The following JPT2 variants were observed in gnomAD, a reference collection of about 807,000 sequenced individuals.
JPT2 encodes CRAMP_1 like.
Under a neutral mutation model 15.9 loss-of-function variants are expected in JPT2, and 9 were observed. The observed-to-expected ratio is 0.57, with a 90% CI of 0.34 to 0.99. The LOEUF (loss-of-function observed/expected upper bound fraction) is 0.99, where lower values mean the gene tolerates loss of function less well. Among genes scored for constraint, JPT2 ranks in the 50% least tolerant of loss-of-function variants. JPT2 has a pLI of 0.02. For missense variants in JPT2, 267 were observed against 252.1 expected, an observed-to-expected ratio of 1.06 and a Z score of -0.40; for synonymous variants, 95 against 91.7, an observed-to-expected ratio of 1.04 and a Z score of -0.21.
chr16:1,683,678 C>G, intron 1 of JPT2: 1 of 932,178 alleles, frequency 1.1e-6, no homozygotes, highest in Non-Finnish European at 1.7e-6. Flanking sequence ...CTCTGCCTTC[C>G]TGCTTTATAG....
rs1274813244 is a variant in JPT2, at chr16:1,699,767, T to A, written c.*769T>A. The A allele has an allele frequency of 1.7e-5, 4 of 235,296 alleles. No individual in the cohort carries two copies. Among genetic ancestry groups the A allele is most frequent in the Middle Eastern group, 1.7e-3 (1 of 576 alleles). The allele number at this position is 235,296 out of a possible 1,614,324, so 14.6% of individuals were successfully genotyped here. ...CTTTTTTCCTCTCATCAGCCTTAAG[T>A]TTAGGCGTTTGTTGTTCTCCAGTGA... On this transcript the variant is annotated 3_prime_UTR_variant, in exon 5 of 5. Transcript: ENST00000248098.
In JPT2 at chr16:1,697,817, T is replaced by C. The variant is rs762679725; in HGVS notation, c.342T>C (p.His114=). The stretch of plus-strand genomic sequence containing the variant: ...GGTGGTTTGCCTTGTTGCAGGATCA[T>C]GTTTTCTTATGTGAAGGAGAAGAAC... ...RLAHPNKPKD[H]VFLCEGEEPK... is the part of the protein sequence containing the mutation. The change falls in exon 4 of 5, where the codon CAT becomes CAC. Residue 114 remains histidine, a synonymous_variant. Transcript: ENST00000248098. 3 of 1,614,048 alleles carry C rather than the reference T, an allele frequency of 1.9e-6. No homozygotes were observed. The highest frequency in any genetic ancestry group is 2.5e-6 in the Non-Finnish European group (3 of 1,179,974).
chr16:1,701,552 C>T lies in JPT2; in HGVS notation c.*2554C>T, dbSNP rs943692912. 3.3e-5 allele frequency: 5 copies of T among 151,566 alleles called. No individual in the cohort carries two copies. Among genetic ancestry groups the T allele is most frequent in the Non-Finnish European group, 2.9e-5 (2 of 67,950 alleles). 9.4% of individuals were successfully genotyped at this position (151,566 alleles called of 1,614,324 possible). ...CAGAGGATGCCAAAATTAGTCTTCT[C>T]AAAGCTTTGAGTAGAGTAAGTGTGG... On this transcript the variant is annotated 3_prime_UTR_variant, in exon 5 of 5. Coordinates refer to ENST00000248098, the MANE Select transcript of JPT2 (RefSeq NM_144570.3).
chr16:1,692,005 G>A lies in JPT2; in HGVS notation c.336+20G>A, dbSNP rs769571196. 319 of 1,613,644 alleles carry A rather than the reference G, an allele frequency of 2.0e-4. 2 individuals are homozygous for A. In the South Asian group the frequency reaches 3.2e-3, roughly 16 times the overall value. ...CCCAAGGTATGGACTGCATTCAGAC[G>A]TGACAGCGCAGCAGCGGGTATGCCA... On this transcript the variant is annotated intron_variant, in intron 3 of 4. Transcript: ENST00000248098.
At chr16:1,679,074 C>G (rs1487376679) in intron 1 of JPT2, among the ~76,000 whole-genome samples, 1 of 152,208 alleles carries the variant, frequency 6.6e-6, no homozygotes, top group Non-Finnish European at 1.5e-5. Context: ...ACTGAGCACA[C>G]TTTTCTTATG....
intron 2 of JPT2, chr16:1,689,802 C>T (rs1049210308): frequency 2.0e-5 from 3 of 152,068 alleles, no homozygotes; most frequent in African/African-American, 7.2e-5. Flanking sequence ...ATAACTTGTC[C>T]AAGGTCTCAC....
chr16:1,691,223 A>G (rs1272884275), intron 2 of JPT2, among the ~76,000 whole-genome samples: 1 of 152,168 alleles, frequency 6.6e-6, no homozygotes, highest in Non-Finnish European at 1.5e-5. Flanking sequence ...GCCTTTAGTC[A>G]CCTGCTACTA....
rs1371733454 is a variant in JPT2 at position 1,701,941 on chromosome 16, CTGAG to C, written c.*2948_*2951del. 3.0e-6 allele frequency: 1 copy of C among 328,376 alleles called. No individual in the cohort carries two copies. The highest frequency in any genetic ancestry group is 3.7e-5 in the Admixed American group (1 of 27,050). The allele number at this position is 328,376 out of a possible 1,614,324, so 20.3% of individuals were successfully genotyped here. A position where few individuals can be genotyped will look rare whatever the true frequency, so the allele number is the denominator to read the frequency against. On this transcript the variant is annotated 3_prime_UTR_variant, in exon 5 of 5. Coordinates refer to ENST00000248098, the MANE Select transcript of JPT2 (RefSeq NM_144570.3). ...CCTGTAGTCCCAGCTACTCGGGAGG[CTGAG>C]TGAGGCAGGAGGATCACTTGAGACC...
intron 2 of JPT2, chr16:1,686,367 C>T (rs188677696): frequency 2.0e-3 from 285 of 141,176 alleles, no homozygotes; most frequent in Non-Finnish European, 3.2e-3. Flanking sequence ...AGCGAGACTC[C>T]GTCTCAAAAA....
At chr16:1,678,878 C>A (rs76738816) in intron 1 of JPT2, among the ~76,000 whole-genome samples, 3,452 of 152,258 alleles carry the variant, frequency 0.023, 143 homozygotes, top group African/African-American at 0.078. Flanking sequence ...GTGTGTGTGG[C>A]CTGTGCCCTG....
chr16:1,691,496 G>A (rs1258267789), intron 2 of JPT2, among the ~76,000 whole-genome samples: 1 of 152,140 alleles, frequency 6.6e-6, no homozygotes, highest in Non-Finnish European at 1.5e-5. Flanking sequence ...AACTTTTCAT[G>A]GGTTTTGTGA....
rs1220182410 is a variant in JPT2 at position 1,678,311 on chromosome 16, A to G, written c.-2A>G. The G allele has an allele frequency of 8.1e-6, 10 of 1,237,510 alleles. No homozygotes were observed. The highest frequency in any genetic ancestry group is 8.3e-5 in the Admixed American group (2 of 24,082). 76.7% of individuals were successfully genotyped at this position (1,237,510 alleles called of 1,614,324 possible). ...GGCGAGCTGAGGGTGGCGGCGGTCG[A>G]CATGTTCCAGGTCCCGGATAGCGAG... On this transcript the variant is annotated 5_prime_UTR_variant, in exon 1 of 5. Transcript: ENST00000248098.
chr16:1,683,537 G>A (rs1039434588), intron 1 of JPT2: 46 of 1,534,492 alleles, frequency 3.0e-5, no homozygotes, highest in South Asian at 8.3e-5. Flanking sequence ...AGGAAGTTTG[G>A]CATCCACCTC....
chr16:1,688,048 T>C (rs2037080054), intron 2 of JPT2, among the ~76,000 whole-genome samples: 1 of 152,262 alleles, frequency 6.6e-6, no homozygotes, highest in South Asian at 2.1e-4. Context: ...CTGGTTTAGA[T>C]GTTCCATGAA....
chr16:1,678,449 G>T, intron 1 of JPT2, 93 bp downstream of exon 1: 1 of 1,145,946 alleles, frequency 8.7e-7, no homozygotes, highest in Non-Finnish European at 1.1e-6. Flanking sequence ...TGTGGGGTTG[G>T]GGTGGGGTTG....
intron 1 of JPT2, among the ~76,000 whole-genome samples, chr16:1,684,664 C>T (rs1285239845): frequency 2.6e-5 from 4 of 152,056 alleles, no homozygotes; most frequent in Non-Finnish European, 5.9e-5. Flanking sequence ...TGCTTGAACC[C>T]AGGAGGCGGA....
chr16:1,684,910 C>CAA (rs552406058), intron 1 of JPT2, among the ~76,000 whole-genome samples: 9 of 75,336 alleles, frequency 1.2e-4, no homozygotes, highest in East Asian at 7.2e-4. Context: ...GACTCCATCT[C>CAA]AAAAAAAAAA....
At chr16:1,684,408 A>G (rs2037048186) in intron 1 of JPT2, among the ~76,000 whole-genome samples, 1 of 152,144 alleles carries the variant, frequency 6.6e-6, no homozygotes, top group Admixed American at 6.5e-5. Context: ...CTTTGTGGCA[A>G]TTCCTTATTA....
intron 2 of JPT2, 118 bp downstream of exon 2, chr16:1,685,705 T>C: frequency 9.1e-7 from 1 of 1,095,614 alleles, no homozygotes; most frequent in Non-Finnish European, 1.3e-6. Flanking sequence ...TCACTTGTTA[T>C]CAGAGTTCTT....
Sources: gnomAD v4.1 joint callset for allele counts (sites outside exome capture counted in the v4.1 genomes callset) on GRCh38, gnomAD v4.1.1 for gene constraint, MANE v1.5 for transcripts, NCBI Gene and HGNC (gene_info 2026-07-23, HGNC 2026-07-21) for gene names.